Variants in PHF21A observed in about 807,000 individuals in gnomAD.
PHF21A encodes the protein PHD finger protein 21A, also known as BHC80a.
PHF21A carries 11 observed loss-of-function variants against 82.5 expected under a neutral mutation model. The ratio of observed to expected loss-of-function variants is 0.13; its 90% CI spans 0.08 to 0.22. The LOEUF is 0.22. PHF21A is among the 10% of genes least tolerant of loss of function. The pLI is 1.00. For synonymous variants in PHF21A, 297 were observed against 302.8 expected (o/e 0.98, Z 0.20); for missense variants, 579 against 837.8 (o/e 0.69, Z 3.81).
intron 6 of PHF21A, among the ~76,000 whole-genome samples, chr11:46,052,113 G>A (rs1484776876): frequency 6.6e-6 from 1 of 152,146 alleles, no homozygotes; most frequent in Non-Finnish European, 1.5e-5. Flanking sequence ...GGCCACAAAA[G>A]GATGACTGAT....
intron 6 of PHF21A, among the ~76,000 whole-genome samples, chr11:45,995,602 A>C (rs2094880790): frequency 6.6e-6 from 1 of 152,218 alleles, no homozygotes; most frequent in Admixed American, 6.5e-5. Context: ...AACCTTCCAC[A>C]TGAGAGCTCC....
At chr11:46,036,477 TTATAG>T (rs1229392367) in intron 6 of PHF21A, among the ~76,000 whole-genome samples, 1 of 152,194 alleles carries the variant, frequency 6.6e-6, no homozygotes, top group Non-Finnish European at 1.5e-5. Context: ...TTGAAGAGAA[TTATAG>T]TAAATTTATA....
intron 6 of PHF21A, among the ~76,000 whole-genome samples, chr11:45,995,288 T>C (rs1375506769): frequency 6.6e-6 from 1 of 151,962 alleles, no homozygotes; most frequent in Non-Finnish European, 1.5e-5. Context: ...GAAAAGAAAA[T>C]GGAACAAATT....
rs1220666494 is a variant in PHF21A, at chr11:46,078,898, C to T, written c.87+236G>A. ...AATATTTTTCTCTAAAATACTCAAA[C>T]CAATTAATATGACACCAAAATAATA... On this transcript the variant is annotated intron_variant, in intron 5 of 18. Transcript: ENST00000676320. Among the ~76,000 whole-genome samples, 4 of 151,858 alleles carry T rather than the reference C, an allele frequency of 2.6e-5. No homozygotes were observed. In the South Asian group the frequency reaches 6.2e-4, roughly 24 times the overall value.
chr11:45,963,078 TAA>T (rs1475632465), intron 10 of PHF21A, among the ~76,000 whole-genome samples: 1 of 152,000 alleles, frequency 6.6e-6, no homozygotes, highest in Non-Finnish European at 1.5e-5. Context: ...ACAAAATACA[TAA>T]GTTTGATTTT....
chr11:46,053,653 T>C (rs1592558707), intron 6 of PHF21A, among the ~76,000 whole-genome samples: 1 of 152,138 alleles, frequency 6.6e-6, no homozygotes, highest in East Asian at 1.9e-4. Flanking sequence ...TTTCTCATCT[T>C]ATTCAATAAC....
intron 11 of PHF21A, among the ~76,000 whole-genome samples, chr11:45,951,778 GA>G (rs1175509772): frequency 6.8e-6 from 1 of 147,988 alleles, no homozygotes; most frequent in Non-Finnish European, 1.5e-5. Context: ...ATAATTAAGT[GA>G]AAAAAAATGT....
chr11:46,086,258 A>T (rs889427274), intron 3 of PHF21A, among the ~76,000 whole-genome samples: 2 of 151,856 alleles, frequency 1.3e-5, no homozygotes, highest in African/African-American at 4.8e-5. Flanking sequence ...AGCTGGGACT[A>T]CAGGTGCCCG....
rs144437609 is a variant in PHF21A, at chr11:45,947,043, T to A, written c.1289-1040A>T. Among the ~76,000 whole-genome samples the A allele has an allele frequency of 9.4e-3, 1,439 of 152,302 alleles. 25 individuals carry two copies. The highest frequency in any genetic ancestry group is 0.033 in the African/African-American group (1,352 of 41,558). Reference sequence around the variant, plus strand: ...CCACTTTACATGACAAACATCCTGATAAACTACATCTCTAAAAATTGGGGC... The same window carrying A: ...CCACTTTACATGACAAACATCCTGAAAAACTACATCTCTAAAAATTGGGGC... On this transcript the variant is annotated intron_variant, in intron 14 of 18. Transcript: ENST00000676320.
At chr11:46,066,316 AGC>A (rs2096593533) in intron 6 of PHF21A, among the ~76,000 whole-genome samples, 1 of 152,166 alleles carries the variant, frequency 6.6e-6, no homozygotes, top group African/African-American at 2.4e-5. Context: ...AATATATTTG[AGC>A]CATATGTACA....
intron 6 of PHF21A, among the ~76,000 whole-genome samples, chr11:46,027,538 A>G (rs1378992616): frequency 6.6e-6 from 1 of 152,320 alleles, no homozygotes; most frequent in East Asian, 1.9e-4. Flanking sequence ...AACACACAAA[A>G]TACAATGCAA....
intron 6 of PHF21A, among the ~76,000 whole-genome samples, chr11:46,054,394 G>A (rs1287306481): frequency 1.3e-5 from 2 of 152,148 alleles, no homozygotes; most frequent in Non-Finnish European, 2.9e-5. Flanking sequence ...AAATTGGCTT[G>A]GGGTTATCCA....
rs534008414 is a variant in PHF21A, at chr11:45,982,992, T to C, written c.154-3026A>G. 7.2e-5 allele frequency among the ~76,000 whole-genome samples: 11 copies of C among 152,324 alleles called. No individual in the cohort carries two copies. In the South Asian group the frequency reaches 2.3e-3, roughly 32 times the overall value. On this transcript the variant is annotated intron_variant, in intron 6 of 18. Transcript: ENST00000676320. ...ACAATGTGCTCTCCTAATCACTGCC[T>C]AGCTAAAGTACACTAGAAGCAAGAA...
rs1399650649 is a variant in PHF21A at position 45,933,903 on chromosome 11, T to C, written c.*65A>G. ...TTCCAGAAATCCGGCTTTGCTTTTC[T>C]AGAGTCTTCAGTGTTCTGTTCTCCT... On this transcript the variant is annotated 3_prime_UTR_variant, in exon 19 of 19. Transcript: ENST00000676320. 1 of 1,426,638 alleles carries C rather than the reference T, an allele frequency of 7.0e-7. No individual in the cohort carries two copies. The highest frequency in any genetic ancestry group is 9.4e-7 in the Non-Finnish European group (1 of 1,069,258). The allele number at this position is 1,426,638 out of a possible 1,614,324, so 88.4% of individuals were successfully genotyped here.
At chr11:46,041,720 A>G (rs2138786541) in intron 6 of PHF21A, among the ~76,000 whole-genome samples, 1 of 152,342 alleles carries the variant, frequency 6.6e-6, no homozygotes, top group East Asian at 1.9e-4. Context: ...AAACATACAT[A>G]AAAGTTCATA....
intron 6 of PHF21A, among the ~76,000 whole-genome samples, chr11:46,045,702 A>G (rs903293957): frequency 6.6e-6 from 1 of 152,204 alleles, no homozygotes; most frequent in East Asian, 1.9e-4. Flanking sequence ...ACTTCAAAGG[A>G]AATCACTATC....
At chr11:45,995,489 A>G (rs2094875339) in intron 6 of PHF21A, among the ~76,000 whole-genome samples, 1 of 152,090 alleles carries the variant, frequency 6.6e-6, no homozygotes, top group Non-Finnish European at 1.5e-5. Context: ...TTAAACCTCT[A>G]CTCCCGGGTT....
chr11:46,073,461 T>A (rs1051896271), intron 6 of PHF21A, among the ~76,000 whole-genome samples: 2 of 152,232 alleles, frequency 1.3e-5, no homozygotes, highest in Non-Finnish European at 2.9e-5. Flanking sequence ...AAAAATTTTT[T>A]AAATCTTATT....
chr11:46,008,191 A>G (rs2095338548), intron 6 of PHF21A, among the ~76,000 whole-genome samples: 1 of 152,080 alleles, frequency 6.6e-6, no homozygotes, highest in African/African-American at 2.4e-5. Flanking sequence ...ACGCCCATAC[A>G]CTCTATCATG....
Sources: allele counts gnomAD v4.1 joint callset (sites outside exome capture counted in the v4.1 genomes callset), GRCh38; gene constraint gnomAD v4.1.1; transcripts MANE v1.5; gene names NCBI Gene and HGNC (gene_info 2026-07-23, HGNC 2026-07-21).